GPC5: variants seen among roughly 807,000 people sequenced by gnomAD.
GPC5 encodes glypican-5.
A neutral mutation model predicts 53.9 loss-of-function variants in GPC5; 47 were observed. That is an observed-to-expected ratio of 0.87 (90% CI 0.69 to 1.11). GPC5 has a LOEUF of 1.11. Among genes scored for constraint, GPC5 ranks in the 50% most tolerant of loss-of-function variants. The pLI is 0.00. For missense variants in GPC5, 748 were observed against 713.1 expected, an observed-to-expected ratio of 1.05 and a Z score of -0.56; for synonymous variants, 286 against 263.3, an observed-to-expected ratio of 1.09 and a Z score of -0.84.
chr13:92,029,649 A>G (rs1245628445), intron 6 of GPC5, among the ~76,000 whole-genome samples: 4 of 152,126 alleles, frequency 2.6e-5, no homozygotes, highest in African/African-American at 9.7e-5. Flanking sequence ...GTGATTTACT[A>G]TGCGATTAAT....
chr13:92,847,522 T>C (rs1405674820), intron 7 of GPC5, among the ~76,000 whole-genome samples: 1 of 152,018 alleles, frequency 6.6e-6, no homozygotes, highest in African/African-American at 2.4e-5. Context: ...TCTTCTTCCT[T>C]CTCCAGCCAT....
At chr13:92,322,328 G>A (rs934191950) in intron 7 of GPC5, among the ~76,000 whole-genome samples, 1 of 151,418 alleles carries the variant, frequency 6.6e-6, no homozygotes, top group African/African-American at 2.4e-5. Context: ...TAAATTTAGG[G>A]CATAAAATAA....
At position 91,818,326 on chromosome 13, in the gene GPC5, T is replaced by G. The variant is rs189541211; in HGVS notation, c.1280+61906T>G. ...TTTCACCAAATCAGACTGGGACAAA[T>G]ATTTCATCAGCATTCACTGATAGCA... On this transcript the variant is annotated intron_variant, in intron 5 of 7. Coordinates refer to ENST00000377067, the MANE Select transcript of GPC5 (RefSeq NM_004466.6). Among the ~76,000 whole-genome samples the G allele has an allele frequency of 4.4e-3, 674 of 152,320 alleles. 4 individuals are homozygous for G. The highest frequency in any genetic ancestry group is 0.016 in the African/African-American group (652 of 41,576).
chr13:92,152,092 AT>A, intron 7 of GPC5, among the ~76,000 whole-genome samples: 1 of 152,214 alleles, frequency 6.6e-6, no homozygotes, highest in Admixed American at 6.5e-5. Flanking sequence ...CTTGAAAAAA[AT>A]ATTGGAAAGC....
rs185615777 is a variant in GPC5, at chr13:92,022,086, G to A, written c.1401+114029G>A. On this transcript the variant is annotated intron_variant, in intron 6 of 7. Transcript: ENST00000377067. ...ATGATCTCGGTTCACTGCAACCACC[G>A]CCTCCCAGGTTCAAGTGATTCTCCA... Among the ~76,000 whole-genome samples the A allele has an allele frequency of 9.9e-4, 150 of 151,812 alleles. 2 individuals carry two copies. The highest frequency in any genetic ancestry group is 3.2e-3 in the African/African-American group (131 of 41,372).
intron 1 of GPC5, among the ~76,000 whole-genome samples, chr13:91,432,440 G>A (rs921917456): frequency 6.6e-6 from 1 of 152,162 alleles, no homozygotes; most frequent in Non-Finnish European, 1.5e-5. Context: ...ACTTAAGTAT[G>A]TGGTTTTGTA....
chr13:92,757,018 T>C (rs1254973025), intron 7 of GPC5, among the ~76,000 whole-genome samples: 42 of 151,782 alleles, frequency 2.8e-4, no homozygotes, highest in East Asian at 1.4e-3. Flanking sequence ...GAGCCCGCAT[T>C]GCCAAGTCAA....
chr13:91,900,895 G>T (rs2039491404), intron 5 of GPC5, among the ~76,000 whole-genome samples: 1 of 151,976 alleles, frequency 6.6e-6, no homozygotes, highest in Admixed American at 6.6e-5. Flanking sequence ...AATGCAATGG[G>T]ACTACTTACC....
At chr13:91,759,514 A>T (rs1292059844) in intron 5 of GPC5, among the ~76,000 whole-genome samples, 1 of 151,868 alleles carries the variant, frequency 6.6e-6, no homozygotes, top group Non-Finnish European at 1.5e-5. Context: ...TATCCCCATT[A>T]CCCTCTTCCC....
intron 6 of GPC5, among the ~76,000 whole-genome samples, chr13:91,919,450 C>G (rs889968173): frequency 1.3e-5 from 2 of 152,200 alleles, no homozygotes; most frequent in Non-Finnish European, 2.9e-5. Context: ...TGTTGATGGA[C>G]TGATCATGTC....
At chr13:92,820,998 G>A (rs1466070203) in intron 7 of GPC5, among the ~76,000 whole-genome samples, 2 of 152,120 alleles carry the variant, frequency 1.3e-5, no homozygotes, top group Non-Finnish European at 1.5e-5. Flanking sequence ...ATCTAGAGAC[G>A]TATGCTTAAA....
At chr13:92,316,669 ATTC>A (rs2043181402) in intron 7 of GPC5, among the ~76,000 whole-genome samples, 2 of 152,154 alleles carry the variant, frequency 1.3e-5, no homozygotes, top group African/African-American at 4.8e-5. Context: ...ACAAAATTAT[ATTC>A]TTTCTAAGAA....
chr13:92,322,582 C>G (rs1442986640), intron 7 of GPC5, among the ~76,000 whole-genome samples: 3 of 152,052 alleles, frequency 2.0e-5, no homozygotes, highest in Non-Finnish European at 4.4e-5. Context: ...TTGCTATTGT[C>G]TATAGACGAA....
intron 6 of GPC5, among the ~76,000 whole-genome samples, chr13:92,043,827 CT>C (rs1039291855): frequency 1.3e-5 from 2 of 152,260 alleles, no homozygotes; most frequent in Admixed American, 6.5e-5. Flanking sequence ...GGAACCAAAA[CT>C]TTTGAAGAAT....
intron 6 of GPC5, among the ~76,000 whole-genome samples, chr13:91,914,798 TA>T (rs1478237278): frequency 2.0e-5 from 3 of 152,084 alleles, no homozygotes; most frequent in East Asian, 1.9e-4. Flanking sequence ...ACAGGAGTTT[TA>T]AAAAATGTTA....
chr13:92,398,428 C>CAAAAAAAA (rs35873316), intron 7 of GPC5, among the ~76,000 whole-genome samples: 32 of 87,654 alleles, frequency 3.7e-4, no homozygotes, highest in Middle Eastern at 6.0e-3. Context: ...GACTCCGTCT[C>CAAAAAAAA]AAAAAAAAAA....
At chr13:92,158,336 G>A (rs559579266) in intron 7 of GPC5, among the ~76,000 whole-genome samples, 1 of 152,122 alleles carries the variant, frequency 6.6e-6, no homozygotes, top group Non-Finnish European at 1.5e-5. Context: ...GAAAAGAATG[G>A]ATTTATTCAA....
intron 2 of GPC5, among the ~76,000 whole-genome samples, chr13:91,483,704 A>G (rs1484072711): frequency 6.6e-6 from 1 of 152,234 alleles, no homozygotes; most frequent in Non-Finnish European, 1.5e-5. Context: ...GTGGCAAACA[A>G]TACAGATTAT....
chr13:92,612,784 T>C (rs1326308061), intron 7 of GPC5, among the ~76,000 whole-genome samples: 1 of 152,140 alleles, frequency 6.6e-6, no homozygotes, highest in Admixed American at 6.5e-5. Context: ...AACAGGGTTA[T>C]ATTACAAAAA....
Sources: allele counts gnomAD v4.1 joint callset (sites outside exome capture counted in the v4.1 genomes callset), GRCh38; gene constraint gnomAD v4.1.1; transcripts MANE v1.5; gene names NCBI Gene and HGNC (gene_info 2026-07-23, HGNC 2026-07-21).